Variants in MCPH1 observed in about 807,000 individuals in gnomAD.
The protein encoded by MCPH1 is microcephalin 1.
MCPH1 carries 104 observed loss-of-function variants against 84.5 expected under a neutral mutation model. That is an observed-to-expected ratio of 1.23 (90% confidence interval 1.05 to 1.45). MCPH1 has a LOEUF of 1.45. Among genes scored for constraint, MCPH1 ranks in the 40% most tolerant of loss-of-function variants. The pLI is 0.00. For synonymous variants in MCPH1, 514 were observed against 366.8 expected, an observed-to-expected ratio of 1.40 and a Z score of -4.58; for missense variants, 1,498 against 1,005.7, an observed-to-expected ratio of 1.49 and a Z score of -6.62.
At chr8:6,421,730 C>T (rs950274377) in intron 3 of MCPH1, among the ~76,000 whole-genome samples, 7 of 152,174 alleles carry the variant, frequency 4.6e-5, no homozygotes, top group African/African-American at 1.7e-4. Flanking sequence ...CCCACGAAGC[C>T]TAAGGCATTC....
chr8:6,429,878 C>T (rs1801592350), intron 3 of MCPH1, among the ~76,000 whole-genome samples: 1 of 152,152 alleles, frequency 6.6e-6, no homozygotes, highest in African/African-American at 2.4e-5. Flanking sequence ...TGTCCCCATG[C>T]CCCAGACCCA....
intron 13 of MCPH1, among the ~76,000 whole-genome samples, chr8:6,642,293 C>A (rs1223488154): frequency 6.6e-6 from 1 of 151,980 alleles, no homozygotes; most frequent in Non-Finnish European, 1.5e-5. Flanking sequence ...GAATAGAATG[C>A]AGTGCGCTTG....
chr8:6,468,879 T>A (rs78062704), intron 9 of MCPH1, among the ~76,000 whole-genome samples: 2,188 of 152,164 alleles, frequency 0.014, 57 homozygotes, highest in African/African-American at 0.051. Flanking sequence ...CAATGAAGTT[T>A]TGAAACTGTT....
intron 12 of MCPH1, among the ~76,000 whole-genome samples, chr8:6,526,763 T>A (rs1055503147): frequency 6.6e-6 from 1 of 152,184 alleles, no homozygotes; most frequent in African/African-American, 2.4e-5. Flanking sequence ...TTCCATGTTG[T>A]ATATACATGT....
At chr8:6,492,299 C>T (rs1810702639) in intron 11 of MCPH1, among the ~76,000 whole-genome samples, 2 of 152,220 alleles carry the variant, frequency 1.3e-5, no homozygotes, top group East Asian at 3.9e-4. Context: ...CTGTTCATAT[C>T]CTTCGCCCAC....
intron 13 of MCPH1, among the ~76,000 whole-genome samples, chr8:6,629,310 A>G (rs1563215077): frequency 6.6e-6 from 1 of 152,092 alleles, no homozygotes; most frequent in African/African-American, 2.4e-5. Flanking sequence ...TAAAAATGCA[A>G]AATTAGCTGG....
chr8:6,525,783 A>C (rs1176331296), intron 12 of MCPH1, among the ~76,000 whole-genome samples: 1 of 152,146 alleles, frequency 6.6e-6, no homozygotes, highest in East Asian at 1.9e-4. Context: ...ATTTCCTTTC[A>C]TATCTGTGAC....
At chr8:6,498,652 C>T (rs549040652) in intron 11 of MCPH1, among the ~76,000 whole-genome samples, 124 of 152,290 alleles carry the variant, frequency 8.1e-4, no homozygotes, top group Middle Eastern at 3.4e-3. Flanking sequence ...TTCATGGCTT[C>T]TGTCACTGGT....
chr8:6,472,377 A>T (rs1445178569), intron 9 of MCPH1, among the ~76,000 whole-genome samples: 1 of 152,216 alleles, frequency 6.6e-6, no homozygotes, highest in African/African-American at 2.4e-5. Flanking sequence ...GGATCTCCTA[A>T]TTATTTCAAG....
intron 8 of MCPH1, among the ~76,000 whole-genome samples, chr8:6,453,605 C>T (rs1393450163): frequency 6.6e-6 from 1 of 152,116 alleles, no homozygotes; most frequent in Non-Finnish European, 1.5e-5. Context: ...CAAATTATAT[C>T]TCTAGTCCAC....
intron 1 of MCPH1, among the ~76,000 whole-genome samples, chr8:6,407,708 C>G (rs915273004): frequency 6.6e-6 from 1 of 152,116 alleles, no homozygotes; most frequent in African/African-American, 2.4e-5. Flanking sequence ...AGCGTTACCC[C>G]CAATCATTGA....
At chr8:6,590,290 T>C (rs1828352212) in intron 12 of MCPH1, among the ~76,000 whole-genome samples, 1 of 151,816 alleles carries the variant, frequency 6.6e-6, no homozygotes, top group African/African-American at 2.4e-5. Flanking sequence ...TCAGTGAGGA[T>C]GGAGTGGAGG....
At chr8:6,521,420 A>G (rs1817310842) in intron 12 of MCPH1, 1 of 1,587,884 alleles carries the variant, frequency 6.3e-7, no homozygotes, top group Non-Finnish European at 8.6e-7. Context: ...ACTTGTAAGG[A>G]AAAGAATTGT....
At chr8:6,501,973 A>T (rs1459487724) in intron 12 of MCPH1, 2 of 150,288 alleles carry the variant, frequency 1.3e-5, no homozygotes, top group Non-Finnish European at 3.0e-5. Flanking sequence ...AAAACTTACT[A>T]GTGTCAATTA....
intron 12 of MCPH1, among the ~76,000 whole-genome samples, chr8:6,594,321 G>C (rs868077793): frequency 6.6e-6 from 1 of 152,216 alleles, no homozygotes; most frequent in Non-Finnish European, 1.5e-5. Flanking sequence ...GGTTTACCCA[G>C]GGCACCTCTG....
intron 11 of MCPH1, among the ~76,000 whole-genome samples, chr8:6,493,270 A>G (rs1359825151): frequency 6.6e-6 from 1 of 152,198 alleles, no homozygotes; most frequent in Non-Finnish European, 1.5e-5. Flanking sequence ...AACATCGAGA[A>G]TCACCCATTT....
At chr8:6,542,764 G>A (rs1172562801) in intron 12 of MCPH1, among the ~76,000 whole-genome samples, 2 of 152,128 alleles carry the variant, frequency 1.3e-5, no homozygotes, top group African/African-American at 4.8e-5. Context: ...GAGCTCTGTG[G>A]AGGAGGTAGC....
intron 13 of MCPH1, among the ~76,000 whole-genome samples, chr8:6,622,916 C>T (rs887011508): frequency 1.2e-4 from 18 of 152,106 alleles, no homozygotes; most frequent in African/African-American, 4.3e-4. Flanking sequence ...TCACAGCTTA[C>T]TGCAGCCTCA....
At chr8:6,483,147 A>G (rs1213135026) in intron 11 of MCPH1, among the ~76,000 whole-genome samples, 1 of 152,214 alleles carries the variant, frequency 6.6e-6, no homozygotes, top group Non-Finnish European at 1.5e-5. Flanking sequence ...GTGTGCTGAA[A>G]ACTACAAAAT....
Sources: gnomAD v4.1 joint callset for allele counts (sites outside exome capture counted in the v4.1 genomes callset) on GRCh38, gnomAD v4.1.1 for gene constraint, MANE v1.5 for transcripts, NCBI Gene and HGNC (gene_info 2026-07-23, HGNC 2026-07-21) for gene names.